C1S: variants seen among roughly 807,000 people sequenced by gnomAD.
The protein encoded by C1S is complement C1s.
C1S carries 31 observed loss-of-function variants against 54.0 expected under a neutral mutation model. That is an observed-to-expected ratio of 0.57 (90% CI 0.43 to 0.78). The LOEUF is 0.78. Among genes scored for constraint, C1S ranks in the 30% least tolerant of loss-of-function variants. The probability of loss-of-function intolerance (pLI) is 0.00; values close to 1 mark genes in which losing one functional copy is unlikely to be tolerated. For synonymous variants in C1S, 292 were observed against 303.6 expected (o/e 0.96, Z 0.40); for missense variants, 727 against 851.8 (o/e 0.85, Z 1.82).
intron 4 of C1S, 129 bp downstream of exon 4, chr12:7,063,196 G>T: frequency 1.2e-6 from 1 of 866,958 alleles, no homozygotes. Flanking sequence ...CTTGGCCTGG[G>T]TCGCTCCATA....
At chr12:7,063,274 A>G (rs1555161583) in intron 4 of C1S, 3 of 592,178 alleles carry the variant, frequency 5.1e-6, no homozygotes, top group Non-Finnish European at 9.2e-6. Context: ...GTAATAACAC[A>G]TAGTACATAA....
At chr12:7,061,777 G>A (rs782105458) in intron 1 of C1S, 62 bp from the exon 2 acceptor site, 16 of 909,116 alleles carry the variant, frequency 1.8e-5, no homozygotes, top group South Asian at 9.5e-5. Flanking sequence ...AGGTGACGCC[G>A]CACCACCAAA....
In C1S at chr12:7,062,804, A is replaced by G. The variant is rs1234345793; in HGVS notation, c.214-86A>G. On this transcript the variant is annotated intron_variant, in intron 3 of 11. Transcript: ENST00000360817. ...CTGGAGTCAAGTCCTAGTGGCATAAATGTTCTATTCTCTCTGTCCCTTCTT... is the reference window on the plus strand; with the variant it reads ...CTGGAGTCAAGTCCTAGTGGCATAAGTGTTCTATTCTCTCTGTCCCTTCTT... 3 of 1,536,194 alleles carry G rather than the reference A, an allele frequency of 2.0e-6. No homozygotes were observed. The African/African-American group carries it at 4.1e-5, about 21-fold the overall frequency.
In C1S at chr12:7,065,888, C is replaced by T. The variant is rs1305293143; in HGVS notation, c.789C>T (p.Thr263=). The T allele has an allele frequency of 9.9e-6, 16 of 1,612,872 alleles. No homozygotes were observed. The highest frequency in any genetic ancestry group is 1.4e-5 in the Non-Finnish European group (16 of 1,179,276). The change falls in exon 7 of 12, where the codon ACC becomes ACT. Residue 263 remains threonine, a synonymous_variant. Transcript: ENST00000360817. ...HGFPGPLNIE[T]KSNALDIIFQ... Reference sequence around the variant, plus strand: ...TCCCTGGGCCTCTAAATATTGAAACCAAGAGTAATGCTCTTGATATCATCT... The same window carrying T: ...TCCCTGGGCCTCTAAATATTGAAACTAAGAGTAATGCTCTTGATATCATCT...
Position 7,064,253 on chromosome 12 carries a change from T to C in C1S, c.392-14T>C, listed in dbSNP as rs782792584. 4.3e-6 allele frequency: 7 copies of C among 1,613,938 alleles called. No homozygotes were observed. Among genetic ancestry groups the C allele is most frequent in the Non-Finnish European group, 1.7e-6 (2 of 1,179,916 alleles). On this transcript the variant is annotated splice_polypyrimidine_tract_variant and intron_variant, in intron 4 of 11. Coordinates refer to ENST00000360817, the MANE Select transcript of C1S (RefSeq NM_001734.5). ...TGTTTGTTCTTGACCTCAGCCTCTT[T>C]CTACTCTTTGTAGACATAAATGAAT...
intron 4 of C1S, 188 bp from the exon 5 acceptor site, chr12:7,064,079 G>T: frequency 1.4e-6 from 1 of 698,584 alleles, no homozygotes; most frequent in East Asian, 2.8e-5. Flanking sequence ...TGTAGTGGTA[G>T]GGCTCAACTC....
At position 7,070,583 on chromosome 12, in the gene C1S, C is replaced by T. The variant is rs377093428; in HGVS notation, c.1999C>T (p.Arg667Trp). The part of the protein sequence containing the change: ...PQCGTYGLYT[R>W]VKNYVDWIMK... ...GTGTGGGACCTATGGGCTCTACACA[C>T]GGGTAAAGAACTATGTTGACTGGAT... The change falls in exon 12 of 12, where the codon CGG (arginine) becomes TGG (tryptophan). Residue 667 changes from arginine (R) to tryptophan (W), a missense_variant. Arg to Trp is a moderately radical substitution (Grantham distance 101). Transcript: ENST00000360817. The surrounding 1 kb of genome is among the most constrained non-coding windows in gnomAD (Gnocchi z 4.9). The T allele has an allele frequency of 2.0e-5, 32 of 1,613,856 alleles. No individual in the cohort carries two copies. The highest frequency in any genetic ancestry group is 8.0e-5 in the African/African-American group (6 of 74,866).
rs117907409 is a variant in C1S, at chr12:7,066,589, G to A, written c.943G>A (p.Asp315Asn). The change falls in exon 8 of 12, where the codon GAT becomes AAT. Residue 315 changes from aspartate (D) to asparagine (N), a missense_variant. Coordinates refer to ENST00000360817, the MANE Select transcript of C1S (RefSeq NM_001734.5). ...EPAKAKYVFR[D>N]VVQITCLDGF... ...TGCGAAGGCAAAATATGTCTTTAGA[G>A]ATGTGGTGCAGATAACCTGTCTGGA... is the stretch of plus-strand genomic sequence containing the variant. The A allele has an allele frequency of 5.2e-3, 8,367 of 1,613,912 alleles. 30 individuals are homozygous for A. Among genetic ancestry groups the A allele is most frequent in the Non-Finnish European group, 6.3e-3 (7,459 of 1,179,734 alleles).
At position 7,067,680 on chromosome 12, in the gene C1S, T is replaced by C. The variant is rs1937708949; in HGVS notation, c.1104T>C (p.Gly368=). The change falls in exon 10 of 12, where the codon GGT becomes GGC. Residue 368 remains glycine, a synonymous_variant. Coordinates refer to ENST00000360817, the MANE Select transcript of C1S (RefSeq NM_001734.5). ...DCGIPESIEN[G]KVEDPESTLF... is the part of the protein sequence containing the mutation. Reference sequence around the variant, plus strand: ...GCATTCCTGAATCCATTGAGAATGGTAAAGTTGAAGACCCAGAGAGCACTT... The same window carrying C: ...GCATTCCTGAATCCATTGAGAATGGCAAAGTTGAAGACCCAGAGAGCACTT... 6.2e-7 allele frequency: 1 copy of C among 1,614,070 alleles called. No homozygotes were observed. The highest frequency in any genetic ancestry group is 8.5e-7 in the Non-Finnish European group (1 of 1,179,944).
At chr12:7,067,614 A>C (rs1555162493) in intron 9 of C1S, 29 bp from the exon 10 acceptor site, 5 of 1,612,808 alleles carry the variant, frequency 3.1e-6, no homozygotes, top group Admixed American at 1.7e-5. Flanking sequence ...GGCTGTCCTG[A>C]CCATCGCTCT....
chr12:7,067,540 G>A, intron 9 of C1S, 103 bp from the exon 10 acceptor site: 1 of 1,320,000 alleles, frequency 7.6e-7, no homozygotes, highest in South Asian at 1.2e-5. Flanking sequence ...AGGTGTGCCT[G>A]TGGATATGGG....
intron 8 of C1S, 97 bp downstream of exon 8, chr12:7,066,730 C>A: frequency 2.6e-6 from 2 of 781,964 alleles, no homozygotes; most frequent in South Asian, 2.8e-5. Context: ...TGTGTGTGAT[C>A]AAGGTATAAC....
intron 2 of C1S, chr12:7,062,172 G>T (rs1555161354): frequency 3.5e-6 from 2 of 570,696 alleles, no homozygotes; most frequent in Non-Finnish European, 6.2e-6. Context: ...TCAAAAGGCT[G>T]AGGTGGTAGA....
At chr12:7,063,854 G>A (rs1208327448) in intron 4 of C1S, 3 of 373,466 alleles carry the variant, frequency 8.0e-6, no homozygotes, top group African/African-American at 6.3e-5. Context: ...GTGAAACCCT[G>A]TCTCTACTAA....
At chr12:7,061,787 AG>A (rs1947091497) in intron 1 of C1S, 51 bp from the exon 2 acceptor site, 2 of 1,027,638 alleles carry the variant, frequency 1.9e-6, no homozygotes, top group Admixed American at 1.8e-5. Flanking sequence ...GCACCACCAA[AG>A]AAGGTGCTTG....
At chr12:7,065,364 A>AGAAT in intron 6 of C1S, 65 bp downstream of exon 6, 1 of 1,290,402 alleles carries the variant, frequency 7.7e-7, no homozygotes, top group Non-Finnish European at 1.1e-6. Flanking sequence ...CTGAAGACAA[A>AGAAT]TTTTTTTTTC....
intron 4 of C1S, chr12:7,063,935 G>A (rs1456732453): frequency 2.0e-5 from 9 of 459,556 alleles, no homozygotes; most frequent in Admixed American, 9.4e-5. Context: ...AGGTAGAGGC[G>A]TGAGACTTGT....
chr12:7,064,451 A>G (rs1220091551), intron 5 of C1S, 59 bp downstream of exon 5: 3 of 1,607,054 alleles, frequency 1.9e-6, no homozygotes, highest in Non-Finnish European at 2.6e-6. Flanking sequence ...CTGAGGCCTC[A>G]GAAAGGGCTT....
At chr12:7,063,288 A>G in intron 4 of C1S, 1 of 573,978 alleles carries the variant, frequency 1.7e-6, no homozygotes, top group Non-Finnish European at 3.2e-6. Context: ...TACATAATAA[A>G]CAGCAATTTG....
Sources: allele counts gnomAD v4.1 joint callset, GRCh38; gene constraint gnomAD v4.1.1; non-coding constraint Gnocchi (gnomAD v3.1); transcripts MANE v1.5; gene names NCBI Gene and HGNC (gene_info 2026-07-23, HGNC 2026-07-21).